CCSER1: variants seen among roughly 807,000 people sequenced by gnomAD.
The protein encoded by CCSER1 is serine-rich coiled-coil domain-containing protein 1.
CCSER1 carries 41 observed loss-of-function variants against 82.0 expected under a neutral mutation model. That is an observed-to-expected ratio of 0.50 (90% CI 0.39 to 0.65). The LOEUF is 0.65. Ranked by LOEUF, CCSER1 falls within the 30% of genes least tolerant of loss-of-function variation. The pLI is 0.00. For synonymous variants in CCSER1, 414 were observed against 383.9 expected (o/e 1.08, Z -0.92); for missense variants, 1,119 against 1,064.2 (o/e 1.05, Z -0.72).
At chr4:91,585,718 A>G (rs1014552814) in intron 10 of CCSER1, among the ~76,000 whole-genome samples, 6 of 151,480 alleles carry the variant, frequency 4.0e-5, no homozygotes, top group African/African-American at 1.5e-4. Context: ...GACCTAAAAG[A>G]CCTAAGGAAG....
chr4:90,610,479 A>G (rs1419738995), intron 5 of CCSER1, among the ~76,000 whole-genome samples: 2 of 152,120 alleles, frequency 1.3e-5, no homozygotes, highest in African/African-American at 4.8e-5. Context: ...ACGTATTCAT[A>G]CACGTATAAA....
intron 5 of CCSER1, among the ~76,000 whole-genome samples, chr4:90,511,980 G>T (rs572404284): frequency 1.8e-4 from 27 of 152,242 alleles, no homozygotes; most frequent in Admixed American, 1.4e-3. Flanking sequence ...AAGGTCATCA[G>T]CTGAGAGTGA....
chr4:90,244,939 T>C (rs1050980688), intron 1 of CCSER1, among the ~76,000 whole-genome samples: 2 of 152,200 alleles, frequency 1.3e-5, no homozygotes, highest in African/African-American at 4.8e-5. Flanking sequence ...GAATTCCAGC[T>C]CTGTCATTAG....
chr4:90,361,429 A>G (rs1377145958), intron 3 of CCSER1, among the ~76,000 whole-genome samples: 1 of 152,200 alleles, frequency 6.6e-6, no homozygotes, highest in Non-Finnish European at 1.5e-5. Flanking sequence ...TTCTCTGGGA[A>G]TTTTAGATTA....
At chr4:91,229,580 C>T (rs2149112911) in intron 10 of CCSER1, among the ~76,000 whole-genome samples, 1 of 152,120 alleles carries the variant, frequency 6.6e-6, no homozygotes, top group South Asian at 2.1e-4. Context: ...GACTCAGAAC[C>T]AACCCAAATG....
intron 5 of CCSER1, among the ~76,000 whole-genome samples, chr4:90,508,567 A>T (rs116426858): frequency 0.013 from 1,927 of 152,144 alleles, 28 homozygotes; most frequent in African/African-American, 0.043. Context: ...ACTCTAAGTG[A>T]TTCCATATGT....
intron 7 of CCSER1, among the ~76,000 whole-genome samples, chr4:90,784,570 G>C (rs1754219434): frequency 6.6e-6 from 1 of 152,094 alleles, no homozygotes; most frequent in African/African-American, 2.4e-5. Context: ...AGATGATTTA[G>C]AAAAAATTTA....
At chr4:90,635,879 C>G (rs1207147313) in intron 6 of CCSER1, among the ~76,000 whole-genome samples, 1 of 151,424 alleles carries the variant, frequency 6.6e-6, no homozygotes, top group Non-Finnish European at 1.5e-5. Context: ...CACATGCACC[C>G]AAAAATATGT....
chr4:91,594,831 G>C (rs1266216873), intron 10 of CCSER1, among the ~76,000 whole-genome samples: 2 of 151,952 alleles, frequency 1.3e-5, no homozygotes, highest in African/African-American at 2.4e-5. Context: ...TTGGCTTCAG[G>C]TTCAGTGTTC....
At chr4:90,131,501 G>A (rs1167681941) in intron 1 of CCSER1, among the ~76,000 whole-genome samples, 4 of 152,098 alleles carry the variant, frequency 2.6e-5, no homozygotes, top group Non-Finnish European at 5.9e-5. Flanking sequence ...AAAGAAGTGT[G>A]ATGATGTGTA....
chr4:91,413,071 A>G (rs1004260268), intron 10 of CCSER1, among the ~76,000 whole-genome samples: 14 of 152,150 alleles, frequency 9.2e-5, no homozygotes, highest in Non-Finnish European at 1.8e-4. Context: ...TGGAGCTAAA[A>G]AATACAATGA....
chr4:91,297,381 G>GTA (rs1188987933), intron 10 of CCSER1, among the ~76,000 whole-genome samples: 116 of 96,120 alleles, frequency 1.2e-3, no homozygotes, highest in African/African-American at 5.3e-3. Flanking sequence ...GTGTGTGTGT[G>GTA]TGTATGTGTG....
intron 8 of CCSER1, among the ~76,000 whole-genome samples, chr4:90,886,248 G>A (rs1031399344): frequency 2.6e-5 from 4 of 152,148 alleles, no homozygotes; most frequent in Non-Finnish European, 5.9e-5. Flanking sequence ...CCAATTTGCA[G>A]AGGTAGGCTC....
intron 10 of CCSER1, among the ~76,000 whole-genome samples, chr4:91,392,362 T>TGCACACAC (rs571135476): frequency 1.8e-3 from 66 of 36,858 alleles, no homozygotes; most frequent in South Asian, 4.7e-3. Context: ...AACCTACACA[T>TGCACACAC]GCACACACAC....
chr4:90,292,047 C>T (rs776678416), intron 1 of CCSER1, among the ~76,000 whole-genome samples: 1 of 151,758 alleles, frequency 6.6e-6, no homozygotes, highest in South Asian at 2.1e-4. Flanking sequence ...TTGGTTAAGC[C>T]CATTGATTAC....
At chr4:90,646,616 C>A (rs1352210573) in intron 6 of CCSER1, among the ~76,000 whole-genome samples, 1 of 152,116 alleles carries the variant, frequency 6.6e-6, no homozygotes, top group Admixed American at 6.5e-5. Flanking sequence ...TTCTTGGTAT[C>A]CTTATTGTCA....
At chr4:90,241,335 C>T (rs183237385) in intron 1 of CCSER1, among the ~76,000 whole-genome samples, 6 of 152,092 alleles carry the variant, frequency 3.9e-5, no homozygotes, top group Admixed American at 6.5e-5. Flanking sequence ...ATTATGTATA[C>T]GTAAGAGACA....
intron 10 of CCSER1, among the ~76,000 whole-genome samples, chr4:91,355,591 G>A (rs1056623265): frequency 2.0e-4 from 31 of 152,182 alleles, no homozygotes; most frequent in African/African-American, 7.2e-4. Context: ...ACTGGGAACA[G>A]TTCTCAGTCT....
chr4:90,379,435 T>C (rs867953415), intron 3 of CCSER1, among the ~76,000 whole-genome samples: 5 of 152,216 alleles, frequency 3.3e-5, no homozygotes, highest in Middle Eastern at 3.4e-3. Flanking sequence ...CAAAAATAAA[T>C]TTTCCCTCGC....
Sources: allele counts gnomAD v4.1 joint callset (sites outside exome capture counted in the v4.1 genomes callset), GRCh38; gene constraint gnomAD v4.1.1; transcripts MANE v1.5; gene names NCBI Gene and HGNC (gene_info 2026-07-23, HGNC 2026-07-21).